Variants in IKBKB observed in about 807,000 individuals in gnomAD.
The protein encoded by IKBKB is inhibitor of nuclear factor kappa-B kinase subunit beta.
IKBKB carries 42 observed loss-of-function variants against 113.6 expected under a neutral mutation model. The observed-to-expected ratio is 0.37, with a 90% CI of 0.29 to 0.48. The LOEUF (loss-of-function observed/expected upper bound fraction) is 0.48, where lower values mean the gene tolerates loss of function less well. Ranked by LOEUF, IKBKB falls within the 20% of genes least tolerant of loss-of-function variation. The pLI is 0.99. For synonymous variants in IKBKB, 296 were observed against 361.3 expected (o/e 0.82, Z 2.05); for missense variants, 673 against 939.7 (o/e 0.72, Z 3.71).
rs768724805 is a variant in IKBKB at position 42,316,827 on chromosome 8, G to A, written c.1048G>A (p.Asp350Asn). The A allele has an allele frequency of 2.5e-6, 4 of 1,614,182 alleles. No individual in the cohort carries two copies. Among genetic ancestry groups the A allele is most frequent in the Non-Finnish European group, 3.4e-6 (4 of 1,180,042 alleles). ...IQQDTGIPEE[D>N]QELLQEAGLA... The stretch of plus-strand genomic sequence containing the variant: ...ACAGGACACGGGCATCCCAGAGGAG[G>A]ACCAGGAGCTGCTGCAGGAAGCGGG... The change falls in exon 11 of 22, where the codon GAC becomes AAC. Residue 350 changes from aspartate (D) to asparagine (N), a missense_variant. This residue lies in a region of IKBKB where 506 missense variants were observed against 638.7 expected (regional missense o/e 0.79). Transcript: ENST00000520810. This position sits in a 1 kb window ranked among gnomAD's most constrained non-coding sequence, Gnocchi z 4.5.
At position 42,327,806 on chromosome 8, in the gene IKBKB, A is replaced by ATTTTTTTTTTTTTTTT. The variant is rs1285987849; in HGVS notation, c.2115-1303_2115-1302insTTTTTTTTTTTTTTTT. On this transcript the variant is annotated intron_variant, in intron 20 of 21. Coordinates refer to ENST00000520810, the MANE Select transcript of IKBKB (RefSeq NM_001556.3). Reference sequence around the variant, plus strand: ...AGCCACCAGGCCTGGCTAATTTTGTATTTTTTTTTTTTTTTGAGACGGAGT... The same window carrying ATTTTTTTTTTTTTTTT: ...AGCCACCAGGCCTGGCTAATTTTGTATTTTTTTTTTTTTTTTTTTTTTTTTTTTTTTGAGACGGAGT... Among the ~76,000 whole-genome samples, 4 of 14,676 alleles carry ATTTTTTTTTTTTTTTT rather than the reference A, an allele frequency of 2.7e-4. 1 individual carries two copies. The highest frequency in any genetic ancestry group is 5.1e-4 in the African/African-American group (4 of 7,908). 9.6% of individuals were successfully genotyped at this position (14,676 alleles called of 152,430 possible). A position where few individuals can be genotyped will look rare whatever the true frequency, so the allele number is the denominator to read the frequency against.
In IKBKB at chr8:42,316,402, C is replaced by T; in HGVS notation, c.930+63C>T. The T allele has an allele frequency of 6.3e-7, 1 of 1,599,722 alleles. No homozygotes were observed. Among genetic ancestry groups the T allele is most frequent in the South Asian group, 1.1e-5 (1 of 89,604 alleles). On this transcript the variant is annotated intron_variant, in intron 10 of 21. Transcript: ENST00000520810. This position sits in a 1 kb window ranked among gnomAD's most constrained non-coding sequence, Gnocchi z 4.5. ...GGGGTCCCCAGTGGAACATGCAGTT[C>T]TTAGGACAGAGCAGGGGATGGGGCC...
intron 2 of IKBKB, among the ~76,000 whole-genome samples, chr8:42,278,731 C>T (rs893662637): frequency 6.6e-6 from 1 of 152,064 alleles, no homozygotes; most frequent in African/African-American, 2.4e-5. Context: ...TGCAGTGGCT[C>T]ATGCCTGTAA....
chr8:42,314,634 G>C (rs911785651), intron 9 of IKBKB, among the ~76,000 whole-genome samples: 5 of 151,964 alleles, frequency 3.3e-5, no homozygotes, highest in African/African-American at 1.2e-4. Flanking sequence ...AATTAGCCAG[G>C]AGTGGTAGCA....
intron 5 of IKBKB, among the ~76,000 whole-genome samples, chr8:42,300,184 C>A (rs1406942697): frequency 6.6e-6 from 1 of 152,208 alleles, no homozygotes; most frequent in East Asian, 1.9e-4. Flanking sequence ...AGTCTCTCTC[C>A]CCATGTCCAC....
chr8:42,293,677 AG>A, intron 5 of IKBKB, 165 bp downstream of exon 5: 1 of 1,146,582 alleles, frequency 8.7e-7, no homozygotes, highest in Non-Finnish European at 1.2e-6. Flanking sequence ...GAGGTCAACA[AG>A]GAGTCAGCCA....
At chr8:42,311,288 C>T (rs569143841) in intron 8 of IKBKB, among the ~76,000 whole-genome samples, 3 of 152,240 alleles carry the variant, frequency 2.0e-5, no homozygotes, top group Admixed American at 6.5e-5. Flanking sequence ...GTGGGCCAGG[C>T]GTGGTGGCTC....
Position 42,271,361 on chromosome 8 carries a change from C to T in IKBKB, c.-127C>T, listed in dbSNP as rs1807661613. ...CGCCGCGCTGCCCGCGTTAAGATTCCCGCATTTTAATGTTTTCAGGGGGGT... is the reference window on the plus strand; with the variant it reads ...CGCCGCGCTGCCCGCGTTAAGATTCTCGCATTTTAATGTTTTCAGGGGGGT... On this transcript the variant is annotated 5_prime_UTR_variant, in exon 1 of 22. Coordinates refer to ENST00000520810, the MANE Select transcript of IKBKB (RefSeq NM_001556.3). The T allele has an allele frequency of 1.4e-6, 2 of 1,456,802 alleles. No individual in the cohort carries two copies. Among genetic ancestry groups the T allele is most frequent in the Non-Finnish European group, 9.3e-7 (1 of 1,075,452 alleles). 90.2% of individuals were successfully genotyped at this position (1,456,802 alleles called of 1,614,324 possible).
rs2130727631 is a variant in IKBKB, at chr8:42,327,939, TAGC to T, written c.2115-1184_2115-1182del. The stretch of plus-strand genomic sequence containing the variant: ...CATTCTCCTGCCTCAGCCTCCCGAG[TAGC>T]TGGGACTACAGGCGCCCGCCACCGC... On this transcript the variant is annotated intron_variant, in intron 20 of 21. Transcript: ENST00000520810. 5.0e-5 allele frequency among the ~76,000 whole-genome samples: 2 copies of T among 40,392 alleles called. 1 individual carries two copies. Among genetic ancestry groups the T allele is most frequent in the Non-Finnish European group, 2.7e-4 (2 of 7,362 alleles). 26.5% of individuals were successfully genotyped at this position (40,392 alleles called of 152,430 possible).
At chr8:42,296,662 A>T (rs1813903235) in intron 5 of IKBKB, among the ~76,000 whole-genome samples, 1 of 152,126 alleles carries the variant, frequency 6.6e-6, no homozygotes, top group Admixed American at 6.5e-5. Context: ...AAAAAAAAAA[A>T]AATTGTCAAA....
chr8:42,304,997 G>T (rs756856411), intron 5 of IKBKB, among the ~76,000 whole-genome samples, 190 bp from the exon 6 acceptor site: 1 of 152,236 alleles, frequency 6.6e-6, no homozygotes, highest in African/African-American at 2.4e-5. Flanking sequence ...AGTGCTTTGC[G>T]CAAGTAAGCC....
rs1430693121 is a variant in IKBKB, at chr8:42,312,132, C to T, written c.693-2190C>T. ...CGATCTCCTGACCTCGTGAACTGCCCGCCTCGGCCTCCCAAAGTGCTGGGA... is the reference window on the plus strand; with the variant it reads ...CGATCTCCTGACCTCGTGAACTGCCTGCCTCGGCCTCCCAAAGTGCTGGGA... On this transcript the variant is annotated intron_variant, in intron 8 of 21. Coordinates refer to ENST00000520810, the MANE Select transcript of IKBKB (RefSeq NM_001556.3). Among the ~76,000 whole-genome samples, 10 of 152,288 alleles carry T rather than the reference C, an allele frequency of 6.6e-5. 1 individual carries two copies. Among genetic ancestry groups the T allele is most frequent in the Admixed American group, 4.6e-4 (7 of 15,294 alleles).
intron 8 of IKBKB, among the ~76,000 whole-genome samples, chr8:42,310,429 A>C (rs1033374240): frequency 1.3e-5 from 2 of 152,174 alleles, no homozygotes; most frequent in African/African-American, 4.8e-5. Context: ...TACGTGTTCC[A>C]GTAAATTGGC....
In IKBKB at chr8:42,290,228, G is replaced by A; in HGVS notation, c.273G>A (p.Leu91=). 6.2e-7 allele frequency: 1 copy of A among 1,613,658 alleles called. No homozygotes were observed. The highest frequency in any genetic ancestry group is 8.5e-7 in the Non-Finnish European group (1 of 1,179,840). Residue 91 remains leucine (L), a synonymous_variant, in exon 4 of 22, where the codon CTG becomes CTA. Transcript: ENST00000520810. ...TGCAGAACTTGGCGCCCAATGACCT[G>A]CCCCTGCTGGCCATGGAGTACTGCC... The part of the protein sequence containing the change: ...EGMQNLAPND[L]PLLAMEYCQG...
chr8:42,319,762 A>C, intron 15 of IKBKB, 116 bp downstream of exon 15: 2 of 903,536 alleles, frequency 2.2e-6, no homozygotes, highest in Non-Finnish European at 3.4e-6. Context: ...GGTGTTCCTC[A>C]CCATGCTTTG....
rs140074007 is a variant in IKBKB, at chr8:42,314,386, G to A, written c.757G>A (p.Val253Met). Residue 253 changes from valine (V) to methionine (M), a missense_variant, in exon 9 of 22, where the codon GTG (valine) becomes ATG (methionine). Physicochemically the swap from Val to Met is conservative, Grantham distance 21. Around this residue, in one of 2 missense-constraint regions of IKBKB, gnomAD observed 506 missense variants for 638.7 expected, o/e 0.79. Coordinates refer to ENST00000520810, the MANE Select transcript of IKBKB (RefSeq NM_001556.3). ...IVVSEDLNGT[V>M]KFSSSLPYPN... Reference sequence around the variant, plus strand: ...TGTTAGCGAAGACTTGAATGGAACGGTGAAGTTTTCAAGCTCTTTACCCTA... The same window carrying A: ...TGTTAGCGAAGACTTGAATGGAACGATGAAGTTTTCAAGCTCTTTACCCTA... 6.2e-7 allele frequency: 1 copy of A among 1,613,820 alleles called. No individual in the cohort carries two copies. The highest frequency in any genetic ancestry group is 8.5e-7 in the Non-Finnish European group (1 of 1,179,694).
chr8:42,279,169 C>A (rs1809817876), intron 2 of IKBKB, among the ~76,000 whole-genome samples: 1 of 152,216 alleles, frequency 6.6e-6, no homozygotes, highest in African/African-American at 2.4e-5. Flanking sequence ...TGGGTTCTCC[C>A]CAAGTTTGGG....
intron 21 of IKBKB, among the ~76,000 whole-genome samples, chr8:42,330,573 C>T (rs963358981): frequency 6.6e-5 from 10 of 152,112 alleles, no homozygotes; most frequent in African/African-American, 2.2e-4. Flanking sequence ...TGCAATGGCA[C>T]GATCTCAGCT....
intron 2 of IKBKB, among the ~76,000 whole-genome samples, chr8:42,279,737 C>A (rs1809956449): frequency 6.6e-6 from 1 of 152,226 alleles, no homozygotes; most frequent in Non-Finnish European, 1.5e-5. Flanking sequence ...GTGCCTGTGG[C>A]TTCTCTGTGG....
Sources: allele counts gnomAD v4.1 joint callset (sites outside exome capture counted in the v4.1 genomes callset), GRCh38; gene constraint gnomAD v4.1.1; regional missense constraint gnomAD v4.1.1; non-coding constraint Gnocchi (gnomAD v3.1); transcripts MANE v1.5; gene names NCBI Gene and HGNC (gene_info 2026-07-23, HGNC 2026-07-21).